RTKN2: variants seen among roughly 807,000 people sequenced by gnomAD.
RTKN2 encodes the protein rhotekin 2.
A neutral mutation model predicts 71.5 loss-of-function variants in RTKN2; 69 were observed. The ratio of observed to expected loss-of-function variants is 0.96; its 90% CI spans 0.79 to 1.18. RTKN2 has a LOEUF of 1.18. Ranked by LOEUF, RTKN2 falls within the 50% of genes most tolerant of loss-of-function variation. The probability of loss-of-function intolerance (pLI) is 0.00; values close to 1 mark genes in which losing one functional copy is unlikely to be tolerated. For synonymous variants in RTKN2, 236 were observed against 236.5 expected (o/e 1.00, Z 0.02); for missense variants, 724 against 719.7 (o/e 1.01, Z -0.07).
chr10:62,205,439 G>A (rs917822747), intron 9 of RTKN2, among the ~76,000 whole-genome samples: 10 of 151,984 alleles, frequency 6.6e-5, no homozygotes, highest in Non-Finnish European at 1.3e-4. Flanking sequence ...TAAAACAGAA[G>A]AATCAGTAAA....
chr10:62,199,525 AT>A (rs1465697581), intron 11 of RTKN2, among the ~76,000 whole-genome samples: 1 of 152,202 alleles, frequency 6.6e-6, no homozygotes, highest in African/African-American at 2.4e-5. Context: ...TAAGCCTTAA[AT>A]TTTTTGTCTG....
chr10:62,189,627 A>G (rs2132761009), downstream of RTKN2, among the ~76,000 whole-genome samples: 1 of 152,230 alleles, frequency 6.6e-6, no homozygotes, highest in East Asian at 1.9e-4. Flanking sequence ...GGAGTTCAAG[A>G]CCAGCCTGGC....
intron 3 of RTKN2, among the ~76,000 whole-genome samples, chr10:62,243,187 T>A: frequency 7.3e-6 from 1 of 136,252 alleles, no homozygotes; most frequent in African/African-American, 2.8e-5. Context: ...CCTGTGTCCA[T>A]GTGTTCTCAT....
intron 9 of RTKN2, among the ~76,000 whole-genome samples, chr10:62,213,556 G>A (rs1437005739): frequency 6.6e-6 from 1 of 152,050 alleles, no homozygotes; most frequent in Non-Finnish European, 1.5e-5. Flanking sequence ...AATATTAGGT[G>A]ACATAAGAGT....
In RTKN2 at chr10:62,193,850, A is replaced by T. The variant is rs535423896; in HGVS notation, c.*4058T>A. 58 of 978,068 alleles carry T rather than the reference A, an allele frequency of 5.9e-5. No individual in the cohort carries two copies. The South Asian group carries it at 2.4e-3, about 41-fold the overall frequency. 60.6% of individuals were successfully genotyped at this position (978,068 alleles called of 1,614,324 possible). A position where few individuals can be genotyped will look rare whatever the true frequency, so the allele number is the denominator to read the frequency against. On this transcript the variant is annotated 3_prime_UTR_variant, in exon 12 of 12. Coordinates refer to ENST00000373789, the MANE Select transcript of RTKN2 (RefSeq NM_145307.4). ...TGTAAACATTTTAATAATGTTAATT[A>T]TACCATGGCTTATCAGAATGTTAGT...
intron 3 of RTKN2, among the ~76,000 whole-genome samples, chr10:62,244,619 T>A (rs1842443775): frequency 6.6e-6 from 1 of 152,072 alleles, no homozygotes; most frequent in East Asian, 1.9e-4. Context: ...TTTTATAAAA[T>A]CTCAAAGATC....
intron 7 of RTKN2, among the ~76,000 whole-genome samples, chr10:62,220,157 T>C (rs1227464549): frequency 6.6e-6 from 1 of 152,208 alleles, no homozygotes; most frequent in Non-Finnish European, 1.5e-5. Context: ...AGCAAAGGTT[T>C]GTAGTAAAAC....
chr10:62,255,057 A>G (rs1280678781), intron 2 of RTKN2, among the ~76,000 whole-genome samples: 1 of 152,182 alleles, frequency 6.6e-6, no homozygotes, highest in Non-Finnish European at 1.5e-5. Flanking sequence ...TGGTAGGTAT[A>G]TGGGTATTCA....
Position 62,195,798 on chromosome 10 carries a change from C to G in RTKN2, c.*2110G>C, listed in dbSNP as rs749210666. On this transcript the variant is annotated 3_prime_UTR_variant, in exon 12 of 12. Coordinates refer to ENST00000373789, the MANE Select transcript of RTKN2 (RefSeq NM_145307.4). ...TAAGCTGGGCCCCCCAGAAAGAGAC[C>G]GAATAATTTGGTGGGGAGGGGGTGG... 2.0e-6 allele frequency: 2 copies of G among 985,334 alleles called. No individual in the cohort carries two copies. The highest frequency in any genetic ancestry group is 2.4e-6 in the Non-Finnish European group (2 of 829,994). 61.0% of individuals were successfully genotyped at this position (985,334 alleles called of 1,614,324 possible).
At position 62,236,022 on chromosome 10, in the gene RTKN2, A is replaced by G. The variant is rs761386935; in HGVS notation, c.686+44T>C. On this transcript the variant is annotated intron_variant, in intron 6 of 11. Transcript: ENST00000373789. ...CACATATAATACTTTAAAATATCAC[A>G]AATGTATAATTATGTCACCATAAAT... 3.0e-6 allele frequency: 4 copies of G among 1,315,210 alleles called. No individual in the cohort carries two copies. In the African/African-American group the frequency reaches 5.9e-5, roughly 19 times the overall value. The allele number at this position is 1,315,210 out of a possible 1,614,324, so 81.5% of individuals were successfully genotyped here. A position where few individuals can be genotyped will look rare whatever the true frequency, so the allele number is the denominator to read the frequency against.
At chr10:62,242,675 G>A (rs967798989) in intron 3 of RTKN2, among the ~76,000 whole-genome samples, 18 of 150,920 alleles carry the variant, frequency 1.2e-4, no homozygotes, top group African/African-American at 4.4e-4. Flanking sequence ...GAGTGCAATC[G>A]TGCGATCTCA....
intron 6 of RTKN2, 59 bp from the exon 7 acceptor site, chr10:62,223,391 A>G (rs900508595): frequency 2.1e-5 from 21 of 983,914 alleles, no homozygotes; most frequent in Admixed American, 1.8e-4. Flanking sequence ...ACTACACAAA[A>G]TATTTGTATG....
chr10:62,205,139 G>T, intron 9 of RTKN2, 117 bp from the exon 10 acceptor site: 2 of 749,288 alleles, frequency 2.7e-6, no homozygotes, highest in Non-Finnish European at 2.1e-6. Context: ...TCTTATTGCT[G>T]ATCATTTGAA....
At chr10:62,235,167 T>C (rs1842229513) in intron 6 of RTKN2, among the ~76,000 whole-genome samples, 1 of 152,076 alleles carries the variant, frequency 6.6e-6, no homozygotes, top group South Asian at 2.1e-4. Flanking sequence ...TAAAAGAAAC[T>C]TAAAAGACTC....
chr10:62,197,662 A>C lies in RTKN2; in HGVS notation c.*246T>G. The C allele has an allele frequency of 4.7e-6, 6 of 1,287,602 alleles. No homozygotes were observed. Among genetic ancestry groups the C allele is most frequent in the Non-Finnish European group, 5.9e-6 (6 of 1,018,794 alleles). The allele number at this position is 1,287,602 out of a possible 1,614,324, so 79.8% of individuals were successfully genotyped here. On this transcript the variant is annotated 3_prime_UTR_variant, in exon 12 of 12. Transcript: ENST00000373789. ...ATTCAGGAATAAATTAACCCTTCCA[A>C]CAATTAGGATATTGTCTAGAAACTG...
At chr10:62,252,021 A>C (rs748310748) in intron 2 of RTKN2, among the ~76,000 whole-genome samples, 1 of 152,096 alleles carries the variant, frequency 6.6e-6, no homozygotes, top group African/African-American at 2.4e-5. Flanking sequence ...ACGTATATGT[A>C]ATCAGAATTC....
intron 2 of RTKN2, among the ~76,000 whole-genome samples, chr10:62,262,244 C>T (rs1485008911): frequency 6.6e-6 from 1 of 152,170 alleles, no homozygotes; most frequent in Non-Finnish European, 1.5e-5. Context: ...TTGCTGCTCA[C>T]TCATCTCAAT....
intron 10 of RTKN2, among the ~76,000 whole-genome samples, chr10:62,204,133 G>T (rs1484464097): frequency 6.6e-6 from 1 of 152,102 alleles, no homozygotes; most frequent in Non-Finnish European, 1.5e-5. Flanking sequence ...TCTATCAGTA[G>T]GCTTTGTTTG....
chr10:62,213,210 T>C (rs780863252), intron 9 of RTKN2, among the ~76,000 whole-genome samples: 3 of 152,158 alleles, frequency 2.0e-5, no homozygotes, highest in Non-Finnish European at 4.4e-5. Context: ...ATGTGAAAGA[T>C]TGTTAGAAAA....
Sources: gnomAD v4.1 joint callset for allele counts (sites outside exome capture counted in the v4.1 genomes callset) on GRCh38, gnomAD v4.1.1 for gene constraint, MANE v1.5 for transcripts, NCBI Gene and HGNC (gene_info 2026-07-23, HGNC 2026-07-21) for gene names.